The following LMNB1 variants were observed in gnomAD, a reference collection of about 807,000 sequenced individuals.
LMNB1 encodes lamin B1.
In LMNB1, 23 loss-of-function variants were observed where a neutral mutation model predicts 67.1. The ratio of observed to expected loss-of-function variants is 0.34; its 90% confidence interval spans 0.25 to 0.49. The LOEUF (loss-of-function observed/expected upper bound fraction) is 0.49, where lower values mean the gene tolerates loss of function less well. LMNB1 is among the 20% of genes least tolerant of loss of function. The probability of loss-of-function intolerance (pLI) is 0.99; values close to 1 mark genes in which losing one functional copy is unlikely to be tolerated. For missense variants in LMNB1, 634 were observed against 746.5 expected (o/e 0.85, Z 1.76); for synonymous variants, 281 against 282.9 (o/e 0.99, Z 0.07).
intron 5 of LMNB1, among the ~76,000 whole-genome samples, chr5:126,814,441 T>C (rs983318933): frequency 3.9e-5 from 6 of 152,216 alleles, no homozygotes; most frequent in Admixed American, 2.0e-4. Flanking sequence ...GAGACTGTTA[T>C]TAATAAGTAG....
intron 5 of LMNB1, among the ~76,000 whole-genome samples, chr5:126,815,613 A>G (rs768250200): frequency 2.0e-4 from 30 of 152,306 alleles, no homozygotes; most frequent in South Asian, 8.3e-4. Flanking sequence ...ATTTAGGGTT[A>G]GTGGCAAGAT....
chr5:126,801,569 T>G (rs1292033574), intron 1 of LMNB1, among the ~76,000 whole-genome samples: 4 of 152,258 alleles, frequency 2.6e-5, no homozygotes, highest in Non-Finnish European at 5.9e-5. Context: ...ACACAGTATC[T>G]TTCACTTGGT....
chr5:126,828,118 TG>T, intron 9 of LMNB1, among the ~76,000 whole-genome samples: 1 of 152,216 alleles, frequency 6.6e-6, no homozygotes, highest in Non-Finnish European at 1.5e-5. Flanking sequence ...TATAAGAGTC[TG>T]AGGTGCCTGG....
At chr5:126,812,431 T>A (rs1289173451) in intron 5 of LMNB1, among the ~76,000 whole-genome samples, 2 of 152,240 alleles carry the variant, frequency 1.3e-5, no homozygotes, top group African/African-American at 4.8e-5. Context: ...TTGGTACGCC[T>A]AAGTGACAAA....
intron 3 of LMNB1, among the ~76,000 whole-genome samples, chr5:126,809,652 A>G (rs977731559): frequency 6.6e-6 from 1 of 152,220 alleles, no homozygotes; most frequent in Non-Finnish European, 1.5e-5. Flanking sequence ...ATACCATTGC[A>G]CAACAGCCTG....
chr5:126,830,729 A>G (rs989803645), intron 9 of LMNB1, among the ~76,000 whole-genome samples: 9 of 152,226 alleles, frequency 5.9e-5, no homozygotes, highest in Non-Finnish European at 2.9e-5. Flanking sequence ...AGCTTCTAGA[A>G]GCTGGAATGT....
chr5:126,792,413 AG>A (rs1381141859), intron 1 of LMNB1, among the ~76,000 whole-genome samples: 2 of 152,000 alleles, frequency 1.3e-5, no homozygotes, highest in Non-Finnish European at 2.9e-5. Context: ...CTGGGATTAT[AG>A]GCGTGAGCCA....
chr5:126,804,795 G>C lies in LMNB1; in HGVS notation c.379G>C (p.Asp127His). 6.2e-7 allele frequency: 1 copy of C among 1,614,070 alleles called. No individual in the cohort carries two copies. The highest frequency in any genetic ancestry group is 8.5e-7 in the Non-Finnish European group (1 of 1,179,976). ...TTCCAGCTATGCTAAGAAGGAATCT[G>C]ATCTTAATGGCGCCCAGATCAAGCT... ...LLLNYAKKESDLNGAQIKLRE... is the reference protein window; with the variant it reads ...LLLNYAKKESHLNGAQIKLRE... The change falls in exon 2 of 11, where the codon GAT (aspartate) becomes CAT (histidine). Residue 127 changes from aspartate (D) to histidine (H), a missense_variant. Asp to His is a moderately conservative substitution (Grantham distance 81). Transcript: ENST00000261366.
At chr5:126,808,039 G>A (rs908415863) in intron 3 of LMNB1, among the ~76,000 whole-genome samples, 24 of 151,902 alleles carry the variant, frequency 1.6e-4, no homozygotes, top group African/African-American at 5.3e-4. Context: ...GCCCGGCTAA[G>A]TTTTGTATTT....
chr5:126,809,914 T>C (rs1278360948), intron 3 of LMNB1, among the ~76,000 whole-genome samples: 1 of 152,196 alleles, frequency 6.6e-6, no homozygotes, highest in East Asian at 1.9e-4. Context: ...GGCCTTTCCT[T>C]GGCTTCAGAA....
At chr5:126,803,268 G>A (rs1751333578) in intron 1 of LMNB1, among the ~76,000 whole-genome samples, 1 of 151,728 alleles carries the variant, frequency 6.6e-6, no homozygotes, top group Non-Finnish European at 1.5e-5. Flanking sequence ...TTTTTGAGAC[G>A]GAGTTTCACT....
Position 126,785,301 on chromosome 5 carries a change from T to A in LMNB1, c.359+7434T>A, listed in dbSNP as rs115511333. Among the ~76,000 whole-genome samples the A allele has an allele frequency of 8.7e-3, 1,290 of 148,864 alleles. 21 individuals carry two copies. Among genetic ancestry groups the A allele is most frequent in the African/African-American group, 0.03 (1,223 of 40,378 alleles). On this transcript the variant is annotated intron_variant, in intron 1 of 10. Coordinates refer to ENST00000261366, the MANE Select transcript of LMNB1 (RefSeq NM_005573.4). ...GTGCCCTGCCTAAAAATTAATTTTT[T>A]TTTTTTTTAATAACTGAGTCTTGCT...
intron 9 of LMNB1, among the ~76,000 whole-genome samples, chr5:126,829,901 G>T (rs191152537): frequency 3.9e-5 from 6 of 152,212 alleles, no homozygotes; most frequent in Admixed American, 1.3e-4. Flanking sequence ...GAGGGAGGGG[G>T]CACTGGGTGG....
chr5:126,791,971 C>CG lies in LMNB1; in HGVS notation c.360-12801dup, dbSNP rs1750969586. Among the ~76,000 whole-genome samples the CG allele has an allele frequency of 2.0e-5, 3 of 151,266 alleles. No individual in the cohort carries two copies. The East Asian group carries it at 5.8e-4, about 29-fold the overall frequency. On this transcript the variant is annotated intron_variant, in intron 1 of 10. Coordinates refer to ENST00000261366, the MANE Select transcript of LMNB1 (RefSeq NM_005573.4). ...CTGATTTTCGTATTTTTAGTAGAGA[C>CG]GGGGTTTCACCATGTTGGTCAGGCT...
rs547161451 is a variant in LMNB1 at position 126,790,302 on chromosome 5, T to C, written c.359+12435T>C. Among the ~76,000 whole-genome samples, 398 of 151,118 alleles carry C rather than the reference T, an allele frequency of 2.6e-3. 3 individuals are homozygous for C. The highest frequency in any genetic ancestry group is 9.0e-3 in the African/African-American group (369 of 41,004). ...TGTATTTTTAGTAGAGAAGGGGTTT[T>C]GCCATGTTGGCCAGGCTGGTCTCGA... On this transcript the variant is annotated intron_variant, in intron 1 of 10. Transcript: ENST00000261366.
At chr5:126,784,063 T>C (rs1388558958) in intron 1 of LMNB1, among the ~76,000 whole-genome samples, 3 of 142,976 alleles carry the variant, frequency 2.1e-5, no homozygotes, top group African/African-American at 7.7e-5. Flanking sequence ...TTGCTCTCGT[T>C]GCCCAGGCTG....
At chr5:126,781,453 C>T (rs1286203888) in intron 1 of LMNB1, among the ~76,000 whole-genome samples, 1 of 151,830 alleles carries the variant, frequency 6.6e-6, no homozygotes, top group Non-Finnish European at 1.5e-5. Context: ...GCCCTATTGT[C>T]TTCTGGCATC....
chr5:126,815,188 A>G (rs1230386325), intron 5 of LMNB1: 4 of 152,200 alleles, frequency 2.6e-5, no homozygotes, highest in Admixed American at 2.6e-4. Context: ...GCTGAGTCAT[A>G]TCAGTTTCAT....
intron 3 of LMNB1, among the ~76,000 whole-genome samples, chr5:126,808,697 TAGC>T (rs1751512621): frequency 1.3e-5 from 2 of 152,264 alleles, no homozygotes; most frequent in Middle Eastern, 3.4e-3. Flanking sequence ...GGGAAGGTGA[TAGC>T]AGAATCCTCC....
Sources: allele counts gnomAD v4.1 joint callset (sites outside exome capture counted in the v4.1 genomes callset), GRCh38; gene constraint gnomAD v4.1.1; transcripts MANE v1.5; gene names NCBI Gene and HGNC (gene_info 2026-07-23, HGNC 2026-07-21).